INPP4B: variants seen among roughly 807,000 people sequenced by gnomAD.
INPP4B encodes inositol polyphosphate 4-phosphatase type II.
In INPP4B, 55 loss-of-function variants were observed where a neutral mutation model predicts 122.5. The observed-to-expected ratio is 0.45, with a 90% confidence interval of 0.36 to 0.56. The LOEUF (loss-of-function observed/expected upper bound fraction) is 0.56, where lower values mean the gene tolerates loss of function less well. Among genes scored for constraint, INPP4B ranks in the 20% least tolerant of loss-of-function variants. INPP4B has a pLI of 0.00. For synonymous variants in INPP4B, 403 were observed against 388.7 expected (o/e 1.04, Z -0.43); for missense variants, 1,000 against 1,097.7 (o/e 0.91, Z 1.26).
intron 1 of INPP4B, among the ~76,000 whole-genome samples, chr4:142,780,287 G>T (rs1307998680): frequency 6.6e-6 from 1 of 152,086 alleles, no homozygotes; most frequent in Non-Finnish European, 1.5e-5. Context: ...TATCCCAGAA[G>T]AGTGGTCATG....
chr4:142,416,746 T>C (rs1287221727), intron 5 of INPP4B, among the ~76,000 whole-genome samples: 2 of 152,160 alleles, frequency 1.3e-5, no homozygotes, highest in Non-Finnish European at 2.9e-5. Flanking sequence ...CAGTCATCAA[T>C]CATGTGTGAT....
At chr4:142,250,168 T>C (rs1322384227) in intron 11 of INPP4B, among the ~76,000 whole-genome samples, 2 of 152,218 alleles carry the variant, frequency 1.3e-5, no homozygotes, top group Non-Finnish European at 2.9e-5. Flanking sequence ...CACCTCTTCC[T>C]TATTCTCTCT....
Position 142,026,524 on chromosome 4 carries a change from T to G in INPP4B, c.*2258A>C, listed in dbSNP as rs1040514107. 7 of 152,318 alleles carry G rather than the reference T, an allele frequency of 4.6e-5. No homozygotes were observed. The highest frequency in any genetic ancestry group is 1.7e-4 in the African/African-American group (7 of 41,468). 9.4% of individuals were successfully genotyped at this position (152,318 alleles called of 1,614,324 possible). A position where few individuals can be genotyped will look rare whatever the true frequency, so the allele number is the denominator to read the frequency against. On this transcript the variant is annotated 3_prime_UTR_variant, in exon 26 of 26. Coordinates refer to ENST00000262992, the MANE Select transcript of INPP4B (RefSeq NM_001101669.3). ...TCTTTTCACCCAGGCTGGAGTGCAA[T>G]GGCATGATCTCAGCTCACTGCAACC... is the stretch of plus-strand genomic sequence containing the variant.
At chr4:142,548,721 G>A (rs1727235486) in intron 2 of INPP4B, among the ~76,000 whole-genome samples, 1 of 151,216 alleles carries the variant, frequency 6.6e-6, no homozygotes, top group South Asian at 2.1e-4. Context: ...ACCTATTTAA[G>A]TACCAAATAT....
At chr4:142,103,629 A>T (rs1425807768) in intron 23 of INPP4B, among the ~76,000 whole-genome samples, 2 of 152,144 alleles carry the variant, frequency 1.3e-5, no homozygotes, top group African/African-American at 2.4e-5. Context: ...TTTAGCCTTA[A>T]TATAGATTAT....
intron 5 of INPP4B, among the ~76,000 whole-genome samples, chr4:142,412,866 T>A (rs1317295851): frequency 6.6e-6 from 1 of 152,174 alleles, no homozygotes; most frequent in Non-Finnish European, 1.5e-5. Flanking sequence ...GTTACTCTCA[T>A]CACTCTGAAA....
chr4:142,379,046 G>T (rs1793067827), intron 7 of INPP4B, among the ~76,000 whole-genome samples: 1 of 152,118 alleles, frequency 6.6e-6, no homozygotes, highest in Non-Finnish European at 1.5e-5. Context: ...TTCTTAGGAA[G>T]CTGCTTCCTC....
intron 2 of INPP4B, among the ~76,000 whole-genome samples, chr4:142,698,823 G>A (rs1385099912): frequency 6.6e-6 from 1 of 152,148 alleles, no homozygotes; most frequent in African/African-American, 2.4e-5. Flanking sequence ...AGGCCTTCAG[G>A]AACCTCTGCT....
At chr4:142,627,553 A>G (rs1308214385) in intron 2 of INPP4B, among the ~76,000 whole-genome samples, 29 of 137,844 alleles carry the variant, frequency 2.1e-4, no homozygotes, top group Non-Finnish European at 3.6e-4. Flanking sequence ...GCTGGATTAC[A>G]TTTATTGATT....
chr4:142,730,911 G>C (rs1183753969), intron 1 of INPP4B, among the ~76,000 whole-genome samples: 1 of 152,168 alleles, frequency 6.6e-6, no homozygotes. Context: ...CATGTCCTAT[G>C]ACAGAAATTG....
chr4:142,342,933 T>C (rs911669271), intron 7 of INPP4B, among the ~76,000 whole-genome samples: 1 of 152,160 alleles, frequency 6.6e-6, no homozygotes, highest in Non-Finnish European at 1.5e-5. Flanking sequence ...GTTAGTGGCC[T>C]CATTCCAAAG....
At chr4:142,578,917 T>G (rs1276410778) in intron 2 of INPP4B, among the ~76,000 whole-genome samples, 1 of 152,002 alleles carries the variant, frequency 6.6e-6, no homozygotes, top group Non-Finnish European at 1.5e-5. Context: ...ATAGTCCTCT[T>G]AAATTTAAGT....
intron 3 of INPP4B, among the ~76,000 whole-genome samples, chr4:142,440,719 C>T (rs868522070): frequency 2.0e-5 from 3 of 149,180 alleles, no homozygotes; most frequent in African/African-American, 7.3e-5. Flanking sequence ...AACTTTGAGT[C>T]TCCTTCTTTT....
intron 2 of INPP4B, among the ~76,000 whole-genome samples, chr4:142,664,081 A>T (rs1755639227): frequency 6.6e-6 from 1 of 152,032 alleles, no homozygotes; most frequent in Admixed American, 6.6e-5. Flanking sequence ...TGGCCTGAAG[A>T]CTCTAATTAT....
intron 5 of INPP4B, among the ~76,000 whole-genome samples, chr4:142,406,274 C>G (rs1803343018): frequency 6.6e-6 from 1 of 152,048 alleles, no homozygotes; most frequent in African/African-American, 2.4e-5. Context: ...GGAAGTAGCC[C>G]TGGGTCCTTG....
intron 25 of INPP4B, among the ~76,000 whole-genome samples, chr4:142,031,303 G>A (rs1739895430): frequency 6.6e-6 from 1 of 152,120 alleles, no homozygotes. Context: ...TATGAAAAGT[G>A]GAACTTTTCA....
chr4:142,111,357 G>GT (rs1789939261), intron 22 of INPP4B, among the ~76,000 whole-genome samples: 1 of 151,646 alleles, frequency 6.6e-6, no homozygotes, highest in South Asian at 2.1e-4. Flanking sequence ...TTTTTTGTTT[G>GT]TTTTTTGAGA....
intron 17 of INPP4B, among the ~76,000 whole-genome samples, chr4:142,152,406 T>C (rs1814695198): frequency 6.6e-6 from 1 of 152,048 alleles, no homozygotes; most frequent in Non-Finnish European, 1.5e-5. Context: ...CTGTGTGCTC[T>C]ATAAATGTAA....
chr4:142,099,901 C>T (rs1783726206), intron 23 of INPP4B, among the ~76,000 whole-genome samples: 1 of 152,136 alleles, frequency 6.6e-6, no homozygotes, highest in South Asian at 2.1e-4. Flanking sequence ...GCAAAAACAA[C>T]ATTTGAAATT....
Sources: allele counts gnomAD v4.1 joint callset (sites outside exome capture counted in the v4.1 genomes callset), GRCh38; gene constraint gnomAD v4.1.1; transcripts MANE v1.5; gene names NCBI Gene and HGNC (gene_info 2026-07-23, HGNC 2026-07-21).